The following CCDC102B variants were observed in gnomAD, a reference collection of about 807,000 sequenced individuals.
CCDC102B encodes the protein coiled-coil domain containing 102B, also known as coiled-coil domain-containing protein 102B.
CCDC102B carries 75 observed loss-of-function variants against 57.4 expected under a neutral mutation model. That is an observed-to-expected ratio of 1.31 (90% confidence interval 1.08 to 1.58). The LOEUF (loss-of-function observed/expected upper bound fraction) is 1.58, where lower values mean the gene tolerates loss of function less well. Ranked by LOEUF, CCDC102B falls within the 40% of genes most tolerant of loss-of-function variation. CCDC102B has a pLI of 0.00. For missense variants in CCDC102B, 636 were observed against 582.6 expected (o/e 1.09, Z -0.94); for synonymous variants, 206 against 201.9 (o/e 1.02, Z -0.17).
intron 7 of CCDC102B, among the ~76,000 whole-genome samples, chr18:69,041,448 T>C (rs1196398871): frequency 1.3e-5 from 2 of 152,086 alleles, no homozygotes; most frequent in Non-Finnish European, 2.9e-5. Context: ...TCTAGATTAC[T>C]GCTCCCATGA....
intron 2 of CCDC102B, among the ~76,000 whole-genome samples, chr18:68,730,165 A>G (rs2032792537): frequency 6.6e-6 from 1 of 152,208 alleles, no homozygotes; most frequent in Non-Finnish European, 1.5e-5. Context: ...TTAATACTAA[A>G]TATAAAATGT....
chr18:68,984,165 A>G (rs2050664164), intron 6 of CCDC102B, among the ~76,000 whole-genome samples: 1 of 151,478 alleles, frequency 6.6e-6, no homozygotes, highest in South Asian at 2.1e-4. Context: ...TGCAACAAAG[A>G]TGCTCAAAAG....
At chr18:69,050,344 G>C (rs892380710) in intron 7 of CCDC102B, among the ~76,000 whole-genome samples, 1 of 152,084 alleles carries the variant, frequency 6.6e-6, no homozygotes, top group Non-Finnish European at 1.5e-5. Context: ...CATCACCTTG[G>C]ATTAAGTGTT....
intron 1 of CCDC102B, among the ~76,000 whole-genome samples, chr18:68,804,732 T>A (rs762052367): frequency 6.6e-6 from 1 of 152,164 alleles, no homozygotes; most frequent in African/African-American, 2.4e-5. Flanking sequence ...TTTCCTGTTT[T>A]TGTGGCAAAC....
chr18:69,040,462 C>G (rs2145471276), intron 7 of CCDC102B, among the ~76,000 whole-genome samples: 1 of 150,108 alleles, frequency 6.7e-6, no homozygotes. Context: ...TTAAATTTGA[C>G]TCTGTGGCTA....
chr18:68,984,649 T>C, intron 6 of CCDC102B, among the ~76,000 whole-genome samples: 1 of 152,258 alleles, frequency 6.6e-6, no homozygotes, highest in East Asian at 1.9e-4. Flanking sequence ...TTATTTTAGA[T>C]AAACTGTCAC....
At chr18:68,726,527 G>T (rs2032602881) in intron 2 of CCDC102B, among the ~76,000 whole-genome samples, 1 of 152,168 alleles carries the variant, frequency 6.6e-6, no homozygotes, top group Admixed American at 6.5e-5. Flanking sequence ...AGAAGTCCCT[G>T]ATATAATCCA....
At chr18:68,929,336 A>G (rs775342045) in intron 6 of CCDC102B, among the ~76,000 whole-genome samples, 42 of 151,970 alleles carry the variant, frequency 2.8e-4, no homozygotes, top group Middle Eastern at 3.4e-3. Context: ...GGATGGAGAG[A>G]TTTTATAAAG....
chr18:68,894,747 T>A (rs746998761), intron 5 of CCDC102B, among the ~76,000 whole-genome samples: 5 of 151,882 alleles, frequency 3.3e-5, no homozygotes, highest in African/African-American at 4.8e-5. Context: ...ATAATTTGTA[T>A]GTTTTGATAA....
chr18:68,730,300 T>A (rs2032799707), intron 2 of CCDC102B, among the ~76,000 whole-genome samples: 2 of 152,180 alleles, frequency 1.3e-5, no homozygotes, highest in Non-Finnish European at 2.9e-5. Flanking sequence ...GTGCCGTGTT[T>A]TCTTTCTCTT....
rs550989000 is a variant in CCDC102B, at chr18:68,810,739, G to A, written c.-16+12558G>A. Among the ~76,000 whole-genome samples the A allele has an allele frequency of 5.9e-5, 8 of 136,132 alleles. No individual in the cohort carries two copies. In the South Asian group the frequency reaches 6.9e-4, roughly 12 times the overall value. The allele number at this position is 136,132 out of a possible 152,430, so 89.3% of individuals were successfully genotyped here. A position where few individuals can be genotyped will look rare whatever the true frequency, so the allele number is the denominator to read the frequency against. On this transcript the variant is annotated intron_variant, in intron 1 of 7. Coordinates refer to ENST00000360242, the MANE Select transcript of CCDC102B (RefSeq NM_024781.3). ...TAAGTTCTAGGATACATGGCAGAAC[G>A]TGCAGGTTTGTTACATAGGTATACA...
intron 6 of CCDC102B, among the ~76,000 whole-genome samples, chr18:68,960,816 ACAATCACTGTACCCTCTCT>A (rs1389924060): frequency 3.3e-5 from 5 of 152,160 alleles, no homozygotes; most frequent in Admixed American, 3.3e-4. Context: ...GCAATGGCTC[ACAATCACTGTACCCTCTCT>A]CAAGTGTGCA....
At chr18:68,924,003 G>A (rs1352764158) in intron 6 of CCDC102B, among the ~76,000 whole-genome samples, 2 of 151,972 alleles carry the variant, frequency 1.3e-5, no homozygotes, top group Non-Finnish European at 2.9e-5. Context: ...GCTGTAAGTA[G>A]CATCATTAGC....
intron 6 of CCDC102B, among the ~76,000 whole-genome samples, chr18:68,929,158 A>G (rs1239430657): frequency 6.6e-6 from 1 of 151,916 alleles, no homozygotes; most frequent in Non-Finnish European, 1.5e-5. Context: ...CTCAAGATCC[A>G]TTTCATTAGA....
At chr18:68,782,377 T>C (rs990181250) in intron 2 of CCDC102B, among the ~76,000 whole-genome samples, 11 of 152,196 alleles carry the variant, frequency 7.2e-5, no homozygotes, top group East Asian at 1.9e-4. Flanking sequence ...CACACACATA[T>C]AAAAATGTAA....
intron 1 of CCDC102B, among the ~76,000 whole-genome samples, chr18:68,806,648 G>A (rs1169998442): frequency 6.6e-6 from 1 of 152,080 alleles, no homozygotes; most frequent in African/African-American, 2.4e-5. Context: ...TCTATTGGAT[G>A]CTCTACAGCT....
At chr18:68,997,799 ATTAATTCAC>A (rs1385595701) in intron 6 of CCDC102B, among the ~76,000 whole-genome samples, 3 of 151,520 alleles carry the variant, frequency 2.0e-5, no homozygotes. Context: ...ACCGTTTCCT[ATTAATTCAC>A]TTTATTAATT....
intron 4 of CCDC102B, among the ~76,000 whole-genome samples, chr18:68,850,299 G>A (rs758321863): frequency 4.6e-5 from 7 of 152,068 alleles, no homozygotes; most frequent in Non-Finnish European, 8.8e-5. Context: ...GGGAAAGTGG[G>A]ACTTCTAATC....
At chr18:68,790,200 G>T (rs1307294294) in intron 2 of CCDC102B, among the ~76,000 whole-genome samples, 40 of 150,128 alleles carry the variant, frequency 2.7e-4, no homozygotes, top group African/African-American at 7.1e-4. Flanking sequence ...CAGATCTCCA[G>T]CTGTGTGCTG....
Sources: allele counts gnomAD v4.1 joint callset (sites outside exome capture counted in the v4.1 genomes callset), GRCh38; gene constraint gnomAD v4.1.1; transcripts MANE v1.5; gene names NCBI Gene and HGNC (gene_info 2026-07-23, HGNC 2026-07-21).